The following ZSCAN25 variants were observed in gnomAD, a reference collection of about 807,000 sequenced individuals.
ZSCAN25 encodes zinc finger and SCAN domain-containing protein 25.
A neutral mutation model predicts 38.7 loss-of-function variants in ZSCAN25; 27 were observed. The observed-to-expected ratio is 0.70, with a 90% confidence interval of 0.51 to 0.96. ZSCAN25 has a LOEUF of 0.96. Among genes scored for constraint, ZSCAN25 ranks in the 40% least tolerant of loss-of-function variants. The probability of loss-of-function intolerance (pLI) is 0.00; values close to 1 mark genes in which losing one functional copy is unlikely to be tolerated. For synonymous variants in ZSCAN25, 273 were observed against 277.7 expected, an observed-to-expected ratio of 0.98 and a Z score of 0.17; for missense variants, 637 against 705.9, an observed-to-expected ratio of 0.90 and a Z score of 1.11.
In ZSCAN25 at chr7:99,621,461, T is replaced by G. The variant is rs1584347383; in HGVS notation, c.476T>G (p.Val159Gly). ...GGCATCCAGCTGGGGCCAGTGGAGG[T>G]CAAGCCTGAATGGGGGATGCCCCCT... is the stretch of plus-strand genomic sequence containing the variant. ...EPGIQLGPVE[V>G]KPEWGMPPGE... The change falls in exon 5 of 8, where the codon GTC (valine) becomes GGC (glycine). Residue 159 changes from valine to glycine, a missense_variant. Coordinates refer to ENST00000394152, the MANE Select transcript of ZSCAN25 (RefSeq NM_145115.3). 6.4e-7 allele frequency: 1 copy of G among 1,564,318 alleles called. No homozygotes were observed. The highest frequency in any genetic ancestry group is 8.7e-7 in the Non-Finnish European group (1 of 1,150,148).
At chr7:99,663,008 A>C in the ZSCAN25 span, 1 of 1,465,512 alleles carries the variant, frequency 6.8e-7, no homozygotes, top group Non-Finnish European at 9.0e-7. Context: ...CTTCTTGAAG[A>C]CGTGTTACCT....
chr7:99,619,368 G>T (rs1045834468), intron 3 of ZSCAN25, among the ~76,000 whole-genome samples, 193 bp from the exon 4 acceptor site: 1 of 152,202 alleles, frequency 6.6e-6, no homozygotes, highest in African/African-American at 2.4e-5. Context: ...GACATTTTCT[G>T]TTTAGTCTCT....
In ZSCAN25 at chr7:99,629,323, A is replaced by AGCCTGGTGGCCCTGCAGGCAGTGC. The variant is rs1807778857; in HGVS notation, c.945_968dup (p.Gly316_Gly323dup). ...GGGCTCGGAAGGGTCTGTGAGCAGGAGCCTGGTGGCCCTGCAGGCAGTGCG... is the reference window on the plus strand; with the variant it reads ...GGGCTCGGAAGGGTCTGTGAGCAGGAGCCTGGTGGCCCTGCAGGCAGTGCGCCTGGTGGCCCTGCAGGCAGTGCG... On this transcript the variant is annotated inframe_insertion, in exon 8 of 8. Coordinates refer to ENST00000394152, the MANE Select transcript of ZSCAN25 (RefSeq NM_145115.3). This position sits in a 1 kb window ranked among gnomAD's most constrained non-coding sequence, Gnocchi z 5.6. 1 of 1,614,040 alleles carries AGCCTGGTGGCCCTGCAGGCAGTGC rather than the reference A, an allele frequency of 6.2e-7. No individual in the cohort carries two copies.
downstream of ZSCAN25, among the ~76,000 whole-genome samples, chr7:99,633,782 AATTTG>A (rs1239724576): frequency 1.3e-5 from 2 of 152,180 alleles, no homozygotes; most frequent in Non-Finnish European, 2.9e-5. Flanking sequence ...CTGGAGTTAT[AATTTG>A]ATGCTCAAAT....
At chr7:99,723,973 G>T in the ZSCAN25 span, among the ~76,000 whole-genome samples, 17 of 152,272 alleles carry the variant, frequency 1.1e-4, no homozygotes, top group Non-Finnish European at 1.9e-4. Context: ...TGCCTGCCTT[G>T]ATCATTCACC....
intron 7 of ZSCAN25, among the ~76,000 whole-genome samples, chr7:99,626,762 C>G (rs1475895684): frequency 6.6e-6 from 1 of 152,114 alleles, no homozygotes; most frequent in Non-Finnish European, 1.5e-5. Context: ...TATCATGAAC[C>G]ATTGCATTCC....
chr7:99,664,062 G>T, the ZSCAN25 span: 1 of 1,595,076 alleles, frequency 6.3e-7, no homozygotes, highest in South Asian at 1.2e-5. Flanking sequence ...GACATTTAAT[G>T]CTTCAAAAAC....
At chr7:99,712,860 A>C in the ZSCAN25 span, among the ~76,000 whole-genome samples, 3 of 152,206 alleles carry the variant, frequency 2.0e-5, no homozygotes, top group Non-Finnish European at 4.4e-5. Context: ...AAAATCGTAC[A>C]TGGGTTGTAA....
chr7:99,678,259 G>C, the ZSCAN25 span, among the ~76,000 whole-genome samples: 2 of 152,200 alleles, frequency 1.3e-5, no homozygotes, highest in African/African-American at 2.4e-5. Context: ...ATGCCAACCT[G>C]TTTGCCCTTT....
the ZSCAN25 span, among the ~76,000 whole-genome samples, chr7:99,733,449 C>G: frequency 6.6e-6 from 1 of 152,118 alleles, no homozygotes; most frequent in South Asian, 2.1e-4. Context: ...CAGAAAAATC[C>G]ATCATCTATT....
Position 99,632,348 on chromosome 7 carries a change from AT to A in ZSCAN25, c.*2329del, listed in dbSNP as rs1224887045. The A allele has an allele frequency of 1.5e-6, 1 of 660,904 alleles. No individual in the cohort carries two copies. The highest frequency in any genetic ancestry group is 2.0e-5 in the African/African-American group (1 of 50,820). The allele number at this position is 660,904 out of a possible 1,614,324, so 40.9% of individuals were successfully genotyped here. A position where few individuals can be genotyped will look rare whatever the true frequency, so the allele number is the denominator to read the frequency against. On this transcript the variant is annotated 3_prime_UTR_variant, in exon 8 of 8. Coordinates refer to ENST00000394152, the MANE Select transcript of ZSCAN25 (RefSeq NM_145115.3). ...TTTTATAATAGATAATTTCAAACCT[AT>A]ATAAATAAATCCTTATGTATTTATC...
the ZSCAN25 span, among the ~76,000 whole-genome samples, chr7:99,713,927 G>A: frequency 0.76 from 115,835 of 152,050 alleles, 47,098 homozygotes; most frequent in Non-Finnish European, 0.91. Context: ...CCCCAAATCT[G>A]TACAATCTTC....
At chr7:99,638,676 C>G in the ZSCAN25 span, 1 of 1,545,990 alleles carries the variant, frequency 6.5e-7, no homozygotes, top group Non-Finnish European at 8.9e-7. Flanking sequence ...TCAACATTTA[C>G]AGGATTGTTG....
chr7:99,688,612 A>G, the ZSCAN25 span, among the ~76,000 whole-genome samples: 1 of 152,216 alleles, frequency 6.6e-6, no homozygotes, highest in Non-Finnish European at 1.5e-5. Context: ...AGACAGATCA[A>G]CGAGACCAAA....
chr7:99,656,401 T>C, the ZSCAN25 span, among the ~76,000 whole-genome samples: 1 of 152,246 alleles, frequency 6.6e-6, no homozygotes, highest in African/African-American at 2.4e-5. Context: ...TTGCGTATGT[T>C]GAACCAGCCT....
chr7:99,637,503 C>A, the ZSCAN25 span, among the ~76,000 whole-genome samples: 4 of 152,074 alleles, frequency 2.6e-5, no homozygotes, highest in African/African-American at 9.7e-5. Flanking sequence ...GTTAAGTTAG[C>A]TACGTTATGG....
At chr7:99,665,302 G>T in the ZSCAN25 span, 1 of 1,614,120 alleles carries the variant, frequency 6.2e-7, no homozygotes, top group East Asian at 2.2e-5. Flanking sequence ...CCATGCTGTA[G>T]GCCCCAAAGA....
chr7:99,652,091 CAGAA>C, the ZSCAN25 span, among the ~76,000 whole-genome samples: 1 of 151,756 alleles, frequency 6.6e-6, no homozygotes, highest in Non-Finnish European at 1.5e-5. Flanking sequence ...ATAGAAAAAA[CAGAA>C]AGGAATAAAA....
the ZSCAN25 span, chr7:99,699,904 G>C: frequency 8.3e-6 from 9 of 1,090,396 alleles, no homozygotes; most frequent in African/African-American, 3.1e-5. Flanking sequence ...AGGGAACAGG[G>C]GCCTGAGTAG....
Sources: allele counts gnomAD v4.1 joint callset (sites outside exome capture counted in the v4.1 genomes callset), GRCh38; gene constraint gnomAD v4.1.1; non-coding constraint Gnocchi (gnomAD v3.1); transcripts MANE v1.5; gene names NCBI Gene and HGNC (gene_info 2026-07-23, HGNC 2026-07-21).